PAN3: variants seen among roughly 807,000 people sequenced by gnomAD.
PAN3 encodes poly(A) specific ribonuclease subunit PAN3.
A neutral mutation model predicts 96.2 loss-of-function variants in PAN3; 19 were observed. The observed-to-expected ratio is 0.20, with a 90% CI of 0.14 to 0.29. PAN3 has a LOEUF of 0.29. Among genes scored for constraint, PAN3 ranks in the 10% least tolerant of loss-of-function variants. PAN3 has a pLI of 1.00. For synonymous variants in PAN3, 433 were observed against 406.6 expected, an observed-to-expected ratio of 1.06 and a Z score of -0.78; for missense variants, 882 against 1,108.1, an observed-to-expected ratio of 0.80 and a Z score of 2.90.
intron 2 of PAN3, 130 bp downstream of exon 2, chr13:28,174,523 A>T: frequency 9.5e-7 from 1 of 1,055,638 alleles, no homozygotes. Context: ...GATGGGTGAG[A>T]TGTAGGTAAA....
intron 13 of PAN3, 41 bp from the exon 14 acceptor site, chr13:28,271,940 C>T (rs1370198246): frequency 7.3e-7 from 1 of 1,371,128 alleles, no homozygotes; most frequent in African/African-American, 1.5e-5. Flanking sequence ...TTTTTAAAAA[C>T]TTATTTTAAT....
At chr13:28,237,380 A>G (rs1883210306) in intron 6 of PAN3, among the ~76,000 whole-genome samples, 1 of 152,156 alleles carries the variant, frequency 6.6e-6, no homozygotes, top group African/African-American at 2.4e-5. Flanking sequence ...TATCACTGGA[A>G]CTCAGAAATG....
chr13:28,215,606 C>A (rs1273644981), intron 5 of PAN3: 2 of 908,002 alleles, frequency 2.2e-6, no homozygotes, highest in Admixed American at 4.0e-5. Flanking sequence ...GCCACACAGC[C>A]CATGTTGCAT....
intron 1 of PAN3, among the ~76,000 whole-genome samples, chr13:28,172,592 T>C (rs1017499176): frequency 2.6e-5 from 4 of 152,244 alleles, no homozygotes; most frequent in Non-Finnish European, 5.9e-5. Flanking sequence ...TTCCCAGTCT[T>C]ATTTTGTCTG....
At chr13:28,267,500 T>A (rs1362911750) in intron 12 of PAN3, 99 bp downstream of exon 12, 48 of 1,002,790 alleles carry the variant, frequency 4.8e-5, no homozygotes, top group Non-Finnish European at 6.7e-5. Context: ...TTCCCTGTAA[T>A]CATTTAGTTT....
At chr13:28,239,155 C>A (rs1428308573) in intron 6 of PAN3, among the ~76,000 whole-genome samples, 1 of 12,372 alleles carries the variant, frequency 8.1e-5, no homozygotes, top group Non-Finnish European at 1.6e-4. Flanking sequence ...CACCCCCCAC[C>A]CCCGCCAACA....
intron 5 of PAN3, chr13:28,214,932 G>T: frequency 1.5e-6 from 2 of 1,347,338 alleles, no homozygotes; most frequent in Non-Finnish European, 1.0e-6. Context: ...TGCCCTTCTG[G>T]CTTACACACT....
At chr13:28,199,032 T>G (rs770795037) in intron 5 of PAN3, among the ~76,000 whole-genome samples, 10 of 152,224 alleles carry the variant, frequency 6.6e-5, no homozygotes, top group Non-Finnish European at 1.2e-4. Flanking sequence ...CAAATTTCAT[T>G]GGAAAGTTTT....
At position 28,197,304 on chromosome 13, in the gene PAN3, C is replaced by G. The variant is rs1168315768; in HGVS notation, c.810C>G (p.Ile270Met). The G allele has an allele frequency of 1.2e-6, 2 of 1,610,668 alleles. No individual in the cohort carries two copies. Among genetic ancestry groups the G allele is most frequent in the Non-Finnish European group, 8.5e-7 (1 of 1,178,422 alleles). Residue 270 changes from isoleucine to methionine, a missense_variant, in exon 5 of 19, where the codon ATC (isoleucine) becomes ATG (methionine). Transcript: ENST00000380958. Reference protein sequence around the residue: ...LADRCKSGVPINMVWWNRVTE... With the variant: ...LADRCKSGVPMNMVWWNRVTE... ...ACAGGTGTAAATCAGGAGTACCCAT[C>G]AATATGGTTTGGTGGAACAGAGTCA...
chr13:28,245,725 T>C (rs1018178321), intron 6 of PAN3, among the ~76,000 whole-genome samples: 11 of 152,182 alleles, frequency 7.2e-5, no homozygotes, highest in African/African-American at 2.7e-4. Flanking sequence ...TTTCTGACTT[T>C]TTATAGATTT....
chr13:28,291,163 T>C (rs779228629), intron 18 of PAN3, among the ~76,000 whole-genome samples: 4 of 152,130 alleles, frequency 2.6e-5, no homozygotes, highest in Non-Finnish European at 5.9e-5. Context: ...TAAGCTTATT[T>C]TGGTAGAAAT....
chr13:28,236,529 T>G (rs897916053), intron 6 of PAN3, among the ~76,000 whole-genome samples: 1 of 152,240 alleles, frequency 6.6e-6, no homozygotes, highest in Non-Finnish European at 1.5e-5. Flanking sequence ...GAAAAAACTT[T>G]CATGGAAGAA....
intron 6 of PAN3, among the ~76,000 whole-genome samples, chr13:28,236,972 A>G (rs763645995): frequency 6.6e-6 from 1 of 152,200 alleles, no homozygotes; most frequent in Non-Finnish European, 1.5e-5. Flanking sequence ...ATTTTGCATG[A>G]CTATTTAGAA....
intron 6 of PAN3, among the ~76,000 whole-genome samples, chr13:28,232,853 T>G (rs887668112): frequency 6.6e-6 from 1 of 152,138 alleles, no homozygotes; most frequent in Non-Finnish European, 1.5e-5. Context: ...TTGTAACCTG[T>G]TGACAGAAAA....
chr13:28,219,127 G>C (rs187093346), intron 5 of PAN3, among the ~76,000 whole-genome samples: 1 of 152,274 alleles, frequency 6.6e-6, no homozygotes, highest in East Asian at 1.9e-4. Flanking sequence ...GAATGTTATA[G>C]TTGGAAATTT....
intron 5 of PAN3, among the ~76,000 whole-genome samples, chr13:28,207,231 C>G (rs1879485469): frequency 6.6e-6 from 1 of 152,052 alleles, no homozygotes; most frequent in Non-Finnish European, 1.5e-5. Context: ...TTTTTGACCC[C>G]TCACTTCCTT....
chr13:28,266,701 A>C lies in PAN3; in HGVS notation c.1412-14A>C, dbSNP rs767914268. ...GCCTGTATTTTCAAGTCATCTTCTT[A>C]TGAATTACTCTAGCAGTTCCTACAG... On this transcript the variant is annotated splice_polypyrimidine_tract_variant and intron_variant, in intron 9 of 18. Coordinates refer to ENST00000380958, the MANE Select transcript of PAN3 (RefSeq NM_175854.8). 6.5e-7 allele frequency: 1 copy of C among 1,529,680 alleles called. No homozygotes were observed. 94.8% of individuals were successfully genotyped at this position (1,529,680 alleles called of 1,614,324 possible).
intron 1 of PAN3, among the ~76,000 whole-genome samples, chr13:28,162,115 T>A (rs1872951731): frequency 6.6e-6 from 1 of 152,234 alleles, no homozygotes; most frequent in South Asian, 2.1e-4. Flanking sequence ...TATACTGAAT[T>A]AACACAACAA....
chr13:28,172,076 A>G (rs1474932910), intron 1 of PAN3, among the ~76,000 whole-genome samples: 1 of 152,210 alleles, frequency 6.6e-6, no homozygotes, highest in African/African-American at 2.4e-5. Context: ...TTAGGAAACA[A>G]GTTTTTTTAG....
Sources: gnomAD v4.1 joint callset for allele counts (sites outside exome capture counted in the v4.1 genomes callset) on GRCh38, gnomAD v4.1.1 for gene constraint, MANE v1.5 for transcripts, NCBI Gene and HGNC (gene_info 2026-07-23, HGNC 2026-07-21) for gene names.